Variants in PPFIA2 observed in about 807,000 individuals in gnomAD.
PPFIA2 encodes the protein liprin-alpha-2.
Under a neutral mutation model 175.5 loss-of-function variants are expected in PPFIA2, and 46 were observed. That is an observed-to-expected ratio of 0.26 (90% CI 0.21 to 0.34). The LOEUF is 0.34. PPFIA2 is among the 10% of genes least tolerant of loss of function. PPFIA2 has a pLI of 1.00. For synonymous variants in PPFIA2, 568 were observed against 511.4 expected (o/e 1.11, Z -1.49); for missense variants, 1,179 against 1,506.1 (o/e 0.78, Z 3.60).
rs971524027 is a variant in PPFIA2, at chr12:81,367,136, T to C, written c.1517A>G (p.Lys506Arg). 3 of 1,431,630 alleles carry C rather than the reference T, an allele frequency of 2.1e-6. No individual in the cohort carries two copies. The highest frequency in any genetic ancestry group is 2.8e-6 in the Non-Finnish European group (3 of 1,083,512). The allele number at this position is 1,431,630 out of a possible 1,614,324, so 88.7% of individuals were successfully genotyped here. ...VLIQESETFR[K>R]NLEESLHDKE... ...ATCATGTAAAGATTCTTCAAGATTC[T>C]TTCTGAAAGTTTCTGATTCTTGAAT... Residue 506 changes from lysine (K) to arginine (R), a missense_variant, in exon 14 of 33, where the codon AAG (lysine) becomes AGG (arginine). By Grantham distance (26) the Lys-to-Arg change is conservative (BLOSUM62 2). This residue lies in a region of PPFIA2 where 186 missense variants were observed against 163.6 expected (regional missense o/e 1.14). Transcript: ENST00000549396.
At chr12:81,718,997 C>T (rs1015511944) in intron 3 of PPFIA2, among the ~76,000 whole-genome samples, 1 of 151,602 alleles carries the variant, frequency 6.6e-6, no homozygotes, top group African/African-American at 2.4e-5. Context: ...ATTGTTATTT[C>T]CACCAAATCC....
At chr12:81,413,756 T>C (rs1053563726) in intron 7 of PPFIA2, among the ~76,000 whole-genome samples, 1 of 151,872 alleles carries the variant, frequency 6.6e-6, no homozygotes, top group Non-Finnish European at 1.5e-5. Context: ...TCGTTGTTTG[T>C]GGACAGAAAA....
chr12:81,357,210 A>G (rs1033542114), intron 16 of PPFIA2, among the ~76,000 whole-genome samples: 2 of 152,176 alleles, frequency 1.3e-5, no homozygotes, highest in Non-Finnish European at 2.9e-5. Flanking sequence ...ATAATGAGAA[A>G]AGAATTGAGA....
chr12:81,308,878 T>C (rs1413597948), intron 22 of PPFIA2, among the ~76,000 whole-genome samples: 1 of 152,198 alleles, frequency 6.6e-6, no homozygotes, highest in Non-Finnish European at 1.5e-5. Flanking sequence ...CAATTGATTT[T>C]GTAATAACCA....
intron 3 of PPFIA2, among the ~76,000 whole-genome samples, chr12:81,746,956 G>T (rs1014701283): frequency 1.4e-5 from 2 of 143,464 alleles, no homozygotes; most frequent in African/African-American, 4.9e-5. Flanking sequence ...TTAACACAAA[G>T]AATTCAAGGG....
At chr12:81,474,030 A>G (rs749774480) in intron 4 of PPFIA2, among the ~76,000 whole-genome samples, 17 of 152,324 alleles carry the variant, frequency 1.1e-4, no homozygotes, top group African/African-American at 3.8e-4. Flanking sequence ...ATTTCAAGAG[A>G]AAGACTATAT....
chr12:81,499,902 G>T (rs2060417640), intron 4 of PPFIA2, among the ~76,000 whole-genome samples: 1 of 151,890 alleles, frequency 6.6e-6, no homozygotes, highest in African/African-American at 2.4e-5. Flanking sequence ...CTATGCCTAA[G>T]TATCTACTTG....
intron 4 of PPFIA2, among the ~76,000 whole-genome samples, chr12:81,642,379 A>C (rs2065085234): frequency 6.6e-6 from 1 of 151,602 alleles, no homozygotes. Context: ...TCTGTCAGAA[A>C]ACTTATCACC....
intron 4 of PPFIA2, among the ~76,000 whole-genome samples, chr12:81,614,562 C>G (rs1189436382): frequency 6.6e-6 from 1 of 152,106 alleles, no homozygotes; most frequent in East Asian, 1.9e-4. Context: ...GTGGAGTAGA[C>G]TAACACAATG....
chr12:81,464,580 A>G (rs2055240484), intron 4 of PPFIA2, among the ~76,000 whole-genome samples: 1 of 152,146 alleles, frequency 6.6e-6, no homozygotes, highest in Admixed American at 6.6e-5. Context: ...TAGTGAGTTT[A>G]ATGAAAAGAG....
chr12:81,605,702 A>G (rs1402864953), intron 4 of PPFIA2, among the ~76,000 whole-genome samples: 1 of 150,322 alleles, frequency 6.7e-6, no homozygotes, highest in Non-Finnish European at 1.5e-5. Flanking sequence ...TAATCTGTCT[A>G]TAATTTCTCT....
intron 7 of PPFIA2, among the ~76,000 whole-genome samples, chr12:81,417,513 A>T (rs11114855): frequency 0.16 from 24,265 of 151,638 alleles, 2,691 homozygotes; most frequent in East Asian, 0.42. Flanking sequence ...AAGCAGAAAC[A>T]ATATTCATTA....
intron 4 of PPFIA2, among the ~76,000 whole-genome samples, chr12:81,670,254 T>C (rs2071159262): frequency 6.6e-6 from 1 of 151,920 alleles, no homozygotes. Flanking sequence ...TATAAATTTT[T>C]CAGTTATTAT....
At chr12:81,712,309 A>G (rs2078042927) in intron 3 of PPFIA2, among the ~76,000 whole-genome samples, 1 of 151,438 alleles carries the variant, frequency 6.6e-6, no homozygotes, top group African/African-American at 2.4e-5. Context: ...AGATTTATAT[A>G]AATATGCCAT....
At chr12:81,746,562 A>C (rs1321050561) in intron 3 of PPFIA2, among the ~76,000 whole-genome samples, 1 of 144,378 alleles carries the variant, frequency 6.9e-6, no homozygotes, top group African/African-American at 2.4e-5. Flanking sequence ...GTTGAAAACT[A>C]AAGGGAAACA....
intron 7 of PPFIA2, chr12:81,430,524 A>ACTCTCTCTCTCTCTCTCTCT (rs10570346): frequency 7.8e-6 from 1 of 127,582 alleles, no homozygotes; most frequent in African/African-American, 2.8e-5. Context: ...TATGCTTAAA[A>ACTCTCTCTCTCTCTCTCTCT]CTCTCTCTCT....
chr12:81,480,262 G>T (rs1458271900), intron 4 of PPFIA2, among the ~76,000 whole-genome samples: 3 of 151,878 alleles, frequency 2.0e-5, no homozygotes, highest in Non-Finnish European at 4.4e-5. Context: ...GCTCCATCAG[G>T]TCATTTATGT....
At chr12:81,501,898 G>A (rs932262274) in intron 4 of PPFIA2, among the ~76,000 whole-genome samples, 15 of 152,140 alleles carry the variant, frequency 9.9e-5, no homozygotes, top group African/African-American at 3.6e-4. Context: ...AGCCAAGGAT[G>A]CATAGAGCTA....
At chr12:81,631,124 G>A (rs1351019187) in intron 4 of PPFIA2, among the ~76,000 whole-genome samples, 1 of 151,892 alleles carries the variant, frequency 6.6e-6, no homozygotes, top group African/African-American at 2.4e-5. Context: ...TCAAACTCCT[G>A]GGCTCAAGCG....
Sources: gnomAD v4.1 joint callset for allele counts (sites outside exome capture counted in the v4.1 genomes callset) on GRCh38, gnomAD v4.1.1 for gene constraint, gnomAD v4.1.1 regional missense constraint, MANE v1.5 for transcripts, NCBI Gene and HGNC (gene_info 2026-07-23, HGNC 2026-07-21) for gene names.